The following NETO2 variants were observed in gnomAD, a reference collection of about 807,000 sequenced individuals.
NETO2 encodes the protein neuropilin and tolloid-like protein 2.
In NETO2, 28 loss-of-function variants were observed where a neutral mutation model predicts 62.5. The observed-to-expected ratio is 0.45, with a 90% CI of 0.33 to 0.61. The LOEUF (loss-of-function observed/expected upper bound fraction) is 0.61. NETO2 is among the 20% of genes least tolerant of loss of function. NETO2 has a pLI of 0.02. For synonymous variants in NETO2, 214 were observed against 219.1 expected (o/e 0.98, Z 0.21); for missense variants, 548 against 643.2 (o/e 0.85, Z 1.60).
Position 47,080,054 on chromosome 16 carries a change from C to T in NETO2, c.*3167G>A, listed in dbSNP as rs946851639. On this transcript the variant is annotated 3_prime_UTR_variant, in exon 9 of 9. Transcript: ENST00000562435. ...AACATGACAAAGACACTGACATAAGCGCTGTCGGGTTAAAGGAGTCTTTGA... is the reference window on the plus strand; with the variant it reads ...AACATGACAAAGACACTGACATAAGTGCTGTCGGGTTAAAGGAGTCTTTGA... The T allele has an allele frequency of 6.6e-6, 1 of 152,186 alleles. No individual in the cohort carries two copies. Among genetic ancestry groups the T allele is most frequent in the Non-Finnish European group, 1.5e-5 (1 of 68,026 alleles). 9.4% of individuals were successfully genotyped at this position (152,186 alleles called of 1,614,324 possible). A position where few individuals can be genotyped will look rare whatever the true frequency, so the allele number is the denominator to read the frequency against.
At chr16:47,087,410 G>C (rs1022447934) in intron 7 of NETO2, among the ~76,000 whole-genome samples, 2 of 152,128 alleles carry the variant, frequency 1.3e-5, no homozygotes, top group Non-Finnish European at 2.9e-5. Flanking sequence ...CATAGAAACA[G>C]AAAGTAGAAT....
At chr16:47,132,584 C>G (rs1964287676) in intron 1 of NETO2, among the ~76,000 whole-genome samples, 1 of 152,168 alleles carries the variant, frequency 6.6e-6, no homozygotes, top group Non-Finnish European at 1.5e-5. Flanking sequence ...AACACTGAAG[C>G]TTTTTTCCAT....
intron 7 of NETO2, among the ~76,000 whole-genome samples, chr16:47,104,918 T>A (rs998154366): frequency 6.6e-6 from 1 of 151,976 alleles, no homozygotes; most frequent in African/African-American, 2.4e-5. Context: ...TGGGGTTTTG[T>A]CATGTTGGCC....
intron 6 of NETO2, among the ~76,000 whole-genome samples, chr16:47,120,541 CAATA>C (rs1255857966): frequency 2.0e-5 from 3 of 152,164 alleles, no homozygotes; most frequent in Non-Finnish European, 4.4e-5. Context: ...TTAAACTGTA[CAATA>C]AATTGTTGAC....
At chr16:47,086,545 G>A (rs1208662090) in intron 7 of NETO2, among the ~76,000 whole-genome samples, 8 of 152,116 alleles carry the variant, frequency 5.3e-5, no homozygotes. Flanking sequence ...GCCCCAAAAG[G>A]TCACTTTTAA....
intron 8 of NETO2, among the ~76,000 whole-genome samples, chr16:47,085,709 A>C (rs1963174118): frequency 6.6e-6 from 1 of 152,126 alleles, no homozygotes. Flanking sequence ...ACAACTTAAC[A>C]GTTTGTAGAC....
chr16:47,132,320 T>G (rs1217958818), intron 1 of NETO2, among the ~76,000 whole-genome samples: 1 of 152,056 alleles, frequency 6.6e-6, no homozygotes, highest in Non-Finnish European at 1.5e-5. Context: ...AAAACACTTG[T>G]TTTTTGCAAC....
At chr16:47,089,981 G>T (rs1963278984) in intron 7 of NETO2, among the ~76,000 whole-genome samples, 1 of 152,134 alleles carries the variant, frequency 6.6e-6, no homozygotes. Context: ...AAAACGGGAT[G>T]CAGGAAAGAT....
chr16:47,109,040 C>T (rs1485278104), intron 7 of NETO2, among the ~76,000 whole-genome samples: 1 of 152,218 alleles, frequency 6.6e-6, no homozygotes. Flanking sequence ...GCAATCTCTA[C>T]CATTTGTTTA....
chr16:47,138,192 A>G (rs141837196), intron 1 of NETO2, among the ~76,000 whole-genome samples: 3,204 of 152,276 alleles, frequency 0.021, 115 homozygotes, highest in African/African-American at 0.073. Context: ...ATGAGGTCAG[A>G]AGTTCAAGAC....
At chr16:47,124,949 T>C (rs1022723170) in intron 4 of NETO2, among the ~76,000 whole-genome samples, 1 of 152,234 alleles carries the variant, frequency 6.6e-6, no homozygotes, top group Non-Finnish European at 1.5e-5. Flanking sequence ...CTATAGGCCA[T>C]TTAAAGTTGC....
chr16:47,120,602 T>C (rs1964017312), intron 6 of NETO2, among the ~76,000 whole-genome samples: 1 of 152,250 alleles, frequency 6.6e-6, no homozygotes, highest in African/African-American at 2.4e-5. Context: ...TAATTCTATC[T>C]AATTATACTT....
chr16:47,093,631 T>C (rs572511662), intron 7 of NETO2, among the ~76,000 whole-genome samples: 1 of 152,190 alleles, frequency 6.6e-6, no homozygotes, highest in Non-Finnish European at 1.5e-5. Context: ...GTTGACCAAA[T>C]TGGCTTCATA....
chr16:47,123,791 G>A (rs1384375292), intron 4 of NETO2, among the ~76,000 whole-genome samples: 1 of 152,160 alleles, frequency 6.6e-6, no homozygotes, highest in African/African-American at 2.4e-5. Flanking sequence ...TCTGCTTCCC[G>A]GGTTCAAGCA....
chr16:47,105,121 C>A (rs1305188963), intron 7 of NETO2, among the ~76,000 whole-genome samples: 1 of 151,842 alleles, frequency 6.6e-6, no homozygotes, highest in Non-Finnish European at 1.5e-5. Context: ...TGGTCTCAAA[C>A]TCCTGGACTC....
Position 47,083,313 on chromosome 16 carries a change from G to A in NETO2, c.1486C>T (p.Leu496=), listed in dbSNP as rs2143790746. The stretch of plus-strand genomic sequence containing the variant: ...ATCTCCTCCATTACTCGGTCTTCCA[G>A]GGCCTGCTCAGGGCACTCATGTCCC... ...KQGHECPEQA[L]EDRVMEEIPC... The change falls in exon 9 of 9, where the codon CTG becomes TTG. Residue 496 remains leucine (L), a synonymous_variant. Coordinates refer to ENST00000562435, the MANE Select transcript of NETO2 (RefSeq NM_018092.5). 3 of 1,614,236 alleles carry A rather than the reference G, an allele frequency of 1.9e-6. No homozygotes were observed. The highest frequency in any genetic ancestry group is 2.5e-6 in the Non-Finnish European group (3 of 1,180,050).
At chr16:47,116,846 T>C (rs1316519221) in intron 6 of NETO2, among the ~76,000 whole-genome samples, 5 of 152,232 alleles carry the variant, frequency 3.3e-5, no homozygotes, top group Non-Finnish European at 5.9e-5. Flanking sequence ...GGCAGCTGTG[T>C]AGCTTTTAAG....
At chr16:47,091,618 C>T (rs1193337770) in intron 7 of NETO2, among the ~76,000 whole-genome samples, 2 of 152,162 alleles carry the variant, frequency 1.3e-5, no homozygotes, top group Non-Finnish European at 2.9e-5. Flanking sequence ...GCAAGACTGG[C>T]CCTTGGGTGC....
intron 6 of NETO2, 98 bp downstream of exon 6, chr16:47,122,559 G>A (rs1351327328): frequency 5.2e-6 from 7 of 1,351,252 alleles, no homozygotes; most frequent in East Asian, 2.3e-5. Flanking sequence ...ATCAGTTTAT[G>A]TAGTCAATAA....
Sources: gnomAD v4.1 joint callset for allele counts (sites outside exome capture counted in the v4.1 genomes callset) on GRCh38, gnomAD v4.1.1 for gene constraint, MANE v1.5 for transcripts, NCBI Gene and HGNC (gene_info 2026-07-23, HGNC 2026-07-21) for gene names.